Variants in PDZD2 observed in about 807,000 individuals in gnomAD.
PDZD2 encodes the protein PDZ domain-containing protein 2.
In PDZD2, 90 loss-of-function variants were observed where a neutral mutation model predicts 220.7. The observed-to-expected ratio is 0.41, with a 90% CI of 0.34 to 0.49. The LOEUF is 0.49. Ranked by LOEUF, PDZD2 falls within the 20% of genes least tolerant of loss-of-function variation. PDZD2 has a pLI of 0.28. For synonymous variants in PDZD2, 1,375 were observed against 1,450.5 expected (o/e 0.95, Z 1.18); for missense variants, 3,174 against 3,608.5 (o/e 0.88, Z 3.08).
intron 24 of PDZD2, among the ~76,000 whole-genome samples, chr5:32,107,731 G>GTTTA (rs1744927082): frequency 2.0e-5 from 3 of 152,132 alleles, no homozygotes; most frequent in Admixed American, 1.3e-4. Context: ...CCCCTTGTCA[G>GTTTA]TTTATTTTTA....
At chr5:31,868,273 T>G (rs956460550) in intron 2 of PDZD2, among the ~76,000 whole-genome samples, 1 of 152,114 alleles carries the variant, frequency 6.6e-6, no homozygotes, top group African/African-American at 2.4e-5. Flanking sequence ...GGTGAAACCC[T>G]GTCTCTACTA....
chr5:31,880,801 T>TTTTTC (rs1739814119), intron 2 of PDZD2, among the ~76,000 whole-genome samples: 1 of 129,708 alleles, frequency 7.7e-6, no homozygotes, highest in African/African-American at 2.9e-5. Flanking sequence ...CTTTTTTTTT[T>TTTTTC]TTTTTTTTTT....
chr5:31,985,275 T>C (rs1456023458), intron 3 of PDZD2, among the ~76,000 whole-genome samples: 1 of 152,092 alleles, frequency 6.6e-6, no homozygotes, highest in Non-Finnish European at 1.5e-5. Context: ...CAAAATAAGG[T>C]TGTGGGTATT....
At chr5:31,879,248 G>A (rs1486960267) in intron 2 of PDZD2, among the ~76,000 whole-genome samples, 8 of 152,000 alleles carry the variant, frequency 5.3e-5, no homozygotes, top group Admixed American at 3.9e-4. Context: ...TTAGCCGGGC[G>A]TGGTGGCGGG....
intron 1 of PDZD2, among the ~76,000 whole-genome samples, chr5:31,703,886 C>T (rs1473051846): frequency 1.3e-5 from 2 of 152,046 alleles, no homozygotes; most frequent in Non-Finnish European, 2.9e-5. Context: ...AATAATTTTA[C>T]CCCCATAGAT....
intron 2 of PDZD2, among the ~76,000 whole-genome samples, chr5:31,928,819 A>T (rs537040833): frequency 2.3e-4 from 35 of 152,334 alleles, no homozygotes; most frequent in African/African-American, 8.4e-4. Context: ...GGAAAACTTT[A>T]TCAAGGATCT....
At chr5:32,013,592 T>C (rs1753499642) in intron 6 of PDZD2, among the ~76,000 whole-genome samples, 1 of 152,230 alleles carries the variant, frequency 6.6e-6, no homozygotes, top group African/African-American at 2.4e-5. Flanking sequence ...AAGGGGAAGC[T>C]AAGCCTCTCG....
At chr5:31,801,049 G>C (rs1252284190) in intron 2 of PDZD2, among the ~76,000 whole-genome samples, 1 of 152,192 alleles carries the variant, frequency 6.6e-6, no homozygotes, top group Non-Finnish European at 1.5e-5. Context: ...TCAGTGCCCT[G>C]GTGCAAAGTG....
chr5:32,026,513 T>G (rs1237754912), intron 6 of PDZD2, among the ~76,000 whole-genome samples: 1 of 152,206 alleles, frequency 6.6e-6, no homozygotes, highest in Non-Finnish European at 1.5e-5. Flanking sequence ...TTACATGTCT[T>G]GAGATTTTCC....
chr5:31,851,598 A>G (rs1276409321), intron 2 of PDZD2, among the ~76,000 whole-genome samples: 1 of 152,160 alleles, frequency 6.6e-6, no homozygotes, highest in African/African-American at 2.4e-5. Flanking sequence ...AGCAGTTCCC[A>G]CTCAAATTAA....
At chr5:31,968,884 C>T (rs912608416) in intron 2 of PDZD2, among the ~76,000 whole-genome samples, 2 of 152,136 alleles carry the variant, frequency 1.3e-5, no homozygotes, top group African/African-American at 2.4e-5. Context: ...TTACAGCAGC[C>T]TGGATAGATA....
At chr5:31,728,302 AT>A (rs1749302189) in intron 1 of PDZD2, among the ~76,000 whole-genome samples, 2 of 152,230 alleles carry the variant, frequency 1.3e-5, no homozygotes, top group South Asian at 4.2e-4. Context: ...TGGGAGCAAA[AT>A]CACACACACA....
In PDZD2 at chr5:31,896,356, GTGTGTGTGTGTA is replaced by G. The variant is rs1554091126; in HGVS notation, c.477-86787_477-86776del. 3.4e-5 allele frequency among the ~76,000 whole-genome samples: 5 copies of G among 145,798 alleles called. No homozygotes were observed. The South Asian group carries it at 6.4e-4, about 19-fold the overall frequency. On this transcript the variant is annotated intron_variant, in intron 2 of 24. Coordinates refer to ENST00000438447, the MANE Select transcript of PDZD2 (RefSeq NM_178140.4). ...TGTGTGTGTGTGTGTGTGTGTGTGT[GTGTGTGTGTGTA>G]TGTGTGTGTGTGAAATATCCACCTA...
intron 2 of PDZD2, among the ~76,000 whole-genome samples, chr5:31,870,097 T>A (rs1471522809): frequency 6.6e-6 from 1 of 152,190 alleles, no homozygotes. Context: ...TGTTTCTGTG[T>A]TCTTGGGACC....
intron 2 of PDZD2, among the ~76,000 whole-genome samples, chr5:31,975,959 A>C (rs2111818908): frequency 6.6e-6 from 1 of 151,782 alleles, no homozygotes; most frequent in East Asian, 1.9e-4. Flanking sequence ...GTGCACCACC[A>C]CACCTGTTAA....
At chr5:32,058,173 T>G (rs1460317123) in intron 12 of PDZD2, 70 bp downstream of exon 12, 2 of 799,932 alleles carry the variant, frequency 2.5e-6, no homozygotes, top group African/African-American at 3.4e-5. Flanking sequence ...GTTAGCTTAA[T>G]TCTTCCTTGT....
intron 3 of PDZD2, among the ~76,000 whole-genome samples, chr5:31,987,916 A>AC (rs1750840228): frequency 6.6e-6 from 1 of 152,162 alleles, no homozygotes; most frequent in Non-Finnish European, 1.5e-5. Context: ...ATGTCTGGTC[A>AC]ATCACCAAGT....
intron 2 of PDZD2, chr5:31,935,962 A>G (rs1258274410): frequency 3.2e-6 from 1 of 314,122 alleles, no homozygotes; most frequent in Non-Finnish European, 4.6e-6. Context: ...ACTCCTGGAA[A>G]ATTAGAACCG....
chr5:31,775,476 T>C (rs945837569), intron 1 of PDZD2, among the ~76,000 whole-genome samples: 1 of 152,208 alleles, frequency 6.6e-6, no homozygotes, highest in South Asian at 2.1e-4. Context: ...CTCAGTTCTA[T>C]ACTTGTCACT....
Sources: allele counts gnomAD v4.1 joint callset (sites outside exome capture counted in the v4.1 genomes callset), GRCh38; gene constraint gnomAD v4.1.1; transcripts MANE v1.5; gene names NCBI Gene and HGNC (gene_info 2026-07-23, HGNC 2026-07-21).